The following RAB6B variants were observed in gnomAD, a reference collection of about 807,000 sequenced individuals.
RAB6B encodes the protein RAB6B, member RAS oncogene family, also known as ras-related protein Rab-6B.
Under a neutral mutation model 31.2 loss-of-function variants are expected in RAB6B, and 7 were observed. The observed-to-expected ratio is 0.22, with a 90% CI of 0.13 to 0.42. The LOEUF (loss-of-function observed/expected upper bound fraction) is 0.42. Ranked by LOEUF, RAB6B falls within the 10% of genes least tolerant of loss-of-function variation. The probability of loss-of-function intolerance (pLI) is 1.00; values close to 1 mark genes in which losing one functional copy is unlikely to be tolerated. For synonymous variants in RAB6B, 105 were observed against 104.9 expected, an observed-to-expected ratio of 1.00 and a Z score of -0.01; for missense variants, 149 against 280.6, an observed-to-expected ratio of 0.53 and a Z score of 3.35.
intron 2 of RAB6B, among the ~76,000 whole-genome samples, chr3:133,854,299 T>A (rs930619692): frequency 3.9e-5 from 6 of 152,266 alleles, no homozygotes; most frequent in African/African-American, 1.4e-4. Flanking sequence ...CAAAGCATTC[T>A]TTCTCTGAAC....
Position 133,895,652 on chromosome 3 carries a change from A to AGGAGGAGGAGGAGAGAGAGGC in RAB6B, c.-207_-187dup. ...CCTGCGGCTGCGTGTCCGGCGGCGG[A>AGGAGGAGGAGGAGAGAGAGGC]GGAGGAGGAGGAGAGAGAGGCGGAG... is the stretch of plus-strand genomic sequence containing the variant. On this transcript the variant is annotated 5_prime_UTR_variant, in exon 1 of 8. Coordinates refer to ENST00000285208, the MANE Select transcript of RAB6B (RefSeq NM_016577.4). The AGGAGGAGGAGGAGAGAGAGGC allele has an allele frequency of 2.1e-6, 1 of 475,778 alleles. No individual in the cohort carries two copies. Among genetic ancestry groups the AGGAGGAGGAGGAGAGAGAGGC allele is most frequent in the Non-Finnish European group, 3.7e-6 (1 of 267,042 alleles). 29.5% of individuals were successfully genotyped at this position (475,778 alleles called of 1,614,324 possible). A position where few individuals can be genotyped will look rare whatever the true frequency, so the allele number is the denominator to read the frequency against.
intron 1 of RAB6B, among the ~76,000 whole-genome samples, chr3:133,889,433 TA>T (rs1416062015): frequency 4.6e-4 from 37 of 80,464 alleles, no homozygotes; most frequent in African/African-American, 1.3e-3. Flanking sequence ...TATATATATA[TA>T]TATATATATA....
At chr3:133,842,091 G>A (rs1169124054) in intron 2 of RAB6B, among the ~76,000 whole-genome samples, 1 of 152,188 alleles carries the variant, frequency 6.6e-6, no homozygotes, top group Non-Finnish European at 1.5e-5. Context: ...GCTCAACACT[G>A]ACCTCGGGAG....
chr3:133,865,532 G>A (rs1035344184), intron 1 of RAB6B, among the ~76,000 whole-genome samples: 16 of 152,244 alleles, frequency 1.1e-4, no homozygotes, highest in Admixed American at 4.6e-4. Flanking sequence ...TCATTAGGAC[G>A]GGCCCTGCAC....
chr3:133,895,680 G>A lies in RAB6B; in HGVS notation c.-214C>T. 1 of 583,420 alleles carries A rather than the reference G, an allele frequency of 1.7e-6. No homozygotes were observed. Among genetic ancestry groups the A allele is most frequent in the Non-Finnish European group, 3.0e-6 (1 of 333,246 alleles). The allele number at this position is 583,420 out of a possible 1,614,324, so 36.1% of individuals were successfully genotyped here. ...AGGAGGAGGAGAGAGAGGCGGAGGC[G>A]GAGGAAGGCTGGGGCTGGGCTGCTG... On this transcript the variant is annotated 5_prime_UTR_variant, in exon 1 of 8. Transcript: ENST00000285208.
chr3:133,852,561 C>T (rs1445809718), intron 2 of RAB6B, among the ~76,000 whole-genome samples: 2 of 151,330 alleles, frequency 1.3e-5, no homozygotes, highest in Admixed American at 6.6e-5. Context: ...GCCTCGACCT[C>T]CTTGGCACAA....
intron 1 of RAB6B, among the ~76,000 whole-genome samples, chr3:133,873,031 T>C (rs1195760487): frequency 1.3e-5 from 2 of 152,104 alleles, no homozygotes; most frequent in African/African-American, 4.8e-5. Flanking sequence ...CTCTCACTTC[T>C]CCACTGAGTG....
At chr3:133,828,901 C>A (rs751189291) in intron 7 of RAB6B, 49 bp from the exon 8 acceptor site, 5 of 1,487,338 alleles carry the variant, frequency 3.4e-6, no homozygotes, top group Admixed American at 3.7e-5. Flanking sequence ...CAAGCTGCCA[C>A]CCCACTTAGC....
At position 133,828,114 on chromosome 3, in the gene RAB6B, G is replaced by C; in HGVS notation, c.*674C>G. ...AGGAGAGGTGGGAGCAGTTCCTCTGGGGGCTGCTGCCGGGCTGCCTAGAGC... is the reference window on the plus strand; with the variant it reads ...AGGAGAGGTGGGAGCAGTTCCTCTGCGGGCTGCTGCCGGGCTGCCTAGAGC... On this transcript the variant is annotated 3_prime_UTR_variant, in exon 8 of 8. Coordinates refer to ENST00000285208, the MANE Select transcript of RAB6B (RefSeq NM_016577.4). 4 of 637,514 alleles carry C rather than the reference G, an allele frequency of 6.3e-6. No homozygotes were observed. The highest frequency in any genetic ancestry group is 1.1e-5 in the Non-Finnish European group (4 of 350,996). 39.5% of individuals were successfully genotyped at this position (637,514 alleles called of 1,614,324 possible).
intron 1 of RAB6B, among the ~76,000 whole-genome samples, chr3:133,892,824 T>G (rs1276381147): frequency 6.6e-6 from 1 of 152,188 alleles, no homozygotes; most frequent in Non-Finnish European, 1.5e-5. Flanking sequence ...CTGCACAGGC[T>G]GCAGAGAATG....
intron 2 of RAB6B, among the ~76,000 whole-genome samples, chr3:133,850,521 A>G (rs553811924): frequency 6.6e-6 from 1 of 152,338 alleles, no homozygotes; most frequent in South Asian, 2.1e-4. Context: ...ACCAAATACA[A>G]ACTTAGAACT....
At chr3:133,860,546 C>T (rs952121104) in intron 2 of RAB6B, among the ~76,000 whole-genome samples, 1 of 152,184 alleles carries the variant, frequency 6.6e-6, no homozygotes, top group African/African-American at 2.4e-5. Flanking sequence ...TTAAGGCAGC[C>T]CCAGGAGAAG....
At chr3:133,868,118 A>G (rs1936262478) in intron 1 of RAB6B, among the ~76,000 whole-genome samples, 1 of 152,062 alleles carries the variant, frequency 6.6e-6, no homozygotes, top group Non-Finnish European at 1.5e-5. Context: ...GTATCACATA[A>G]AGGAGCTAGG....
intron 1 of RAB6B, among the ~76,000 whole-genome samples, chr3:133,877,727 GAAAT>G (rs1936415604): frequency 1.3e-5 from 2 of 148,840 alleles, no homozygotes; most frequent in Non-Finnish European, 3.0e-5. Flanking sequence ...AAGATATTAA[GAAAT>G]AGTTATTATA....
intron 1 of RAB6B, among the ~76,000 whole-genome samples, chr3:133,870,139 C>T (rs749477184): frequency 6.6e-6 from 1 of 152,176 alleles, no homozygotes; most frequent in African/African-American, 2.4e-5. Flanking sequence ...TCTGCCATTG[C>T]TGGGAAAGCC....
At chr3:133,840,084 C>T (rs1165873327) in intron 4 of RAB6B, among the ~76,000 whole-genome samples, 2 of 151,960 alleles carry the variant, frequency 1.3e-5, no homozygotes, top group Non-Finnish European at 2.9e-5. Context: ...GAAGGAAGGG[C>T]CCTACTGAGT....
chr3:133,863,170 C>T (rs1328287077), intron 2 of RAB6B, among the ~76,000 whole-genome samples: 1 of 152,230 alleles, frequency 6.6e-6, no homozygotes, highest in Non-Finnish European at 1.5e-5. Flanking sequence ...GCCAGGGCCC[C>T]TCTCCCAGAG....
chr3:133,855,654 T>C (rs1397613184), intron 2 of RAB6B, among the ~76,000 whole-genome samples: 1 of 152,200 alleles, frequency 6.6e-6, no homozygotes, highest in Non-Finnish European at 1.5e-5. Flanking sequence ...TAGCAAAAGA[T>C]ACTCCAGGTG....
intron 1 of RAB6B, among the ~76,000 whole-genome samples, chr3:133,895,098 G>A (rs1936689428): frequency 6.6e-6 from 1 of 152,150 alleles, no homozygotes; most frequent in African/African-American, 2.4e-5. Context: ...GCCCTGGCCA[G>A]CGCCGCGGAG....
Sources: gnomAD v4.1 joint callset for allele counts (sites outside exome capture counted in the v4.1 genomes callset) on GRCh38, gnomAD v4.1.1 for gene constraint, MANE v1.5 for transcripts, NCBI Gene and HGNC (gene_info 2026-07-23, HGNC 2026-07-21) for gene names.